The following TRAK1 variants were observed in gnomAD, a reference collection of about 807,000 sequenced individuals.
TRAK1 encodes the protein trafficking kinesin protein 1, also known as trafficking kinesin-binding protein 1.
In TRAK1, 33 loss-of-function variants were observed where a neutral mutation model predicts 92.1. That is an observed-to-expected ratio of 0.36 (90% CI 0.27 to 0.48). The LOEUF is 0.48. TRAK1 is among the 20% of genes least tolerant of loss of function. The probability of loss-of-function intolerance (pLI) is 0.99; values close to 1 mark genes in which losing one functional copy is unlikely to be tolerated. For missense variants in TRAK1, 1,123 were observed against 1,257.9 expected (o/e 0.89, Z 1.62); for synonymous variants, 521 against 517.3 (o/e 1.01, Z -0.10).
At chr3:42,098,070 TTCTG>T (rs1706203607) in intron 1 of TRAK1, among the ~76,000 whole-genome samples, 1 of 151,952 alleles carries the variant, frequency 6.6e-6, no homozygotes, top group African/African-American at 2.4e-5. Context: ...CTTACCCACT[TTCTG>T]TCTGTTTCCT....
At chr3:42,213,151 C>G (rs556371256) in intron 14 of TRAK1, among the ~76,000 whole-genome samples, 1 of 151,266 alleles carries the variant, frequency 6.6e-6, no homozygotes, top group South Asian at 2.1e-4. Flanking sequence ...TTCCACCTCC[C>G]GGTTCAAGTG....
At chr3:42,134,498 C>T (rs569172232) in intron 2 of TRAK1, among the ~76,000 whole-genome samples, 2 of 151,104 alleles carry the variant, frequency 1.3e-5, no homozygotes, top group South Asian at 2.1e-4. Context: ...GGCTGTCTCA[C>T]GCTCCTGGCC....
At chr3:42,088,052 G>A (rs1464828327), upstream of TRAK1, among the ~76,000 whole-genome samples, 4 of 152,220 alleles carry the variant, frequency 2.6e-5, no homozygotes, top group African/African-American at 9.6e-5. Flanking sequence ...GTAGGATGGT[G>A]TGCATAACAG....
chr3:42,155,376 C>A (rs556070185), intron 2 of TRAK1, among the ~76,000 whole-genome samples: 7 of 152,280 alleles, frequency 4.6e-5, no homozygotes, highest in African/African-American at 1.7e-4. Context: ...ATTTATGCTC[C>A]GTTTTTAGAG....
intron 1 of TRAK1, among the ~76,000 whole-genome samples, chr3:42,103,199 C>T (rs1308097259): frequency 3.9e-5 from 6 of 152,106 alleles, no homozygotes; most frequent in Admixed American, 3.9e-4. Context: ...ATGAAGTCTC[C>T]CTCTGTCCCC....
At chr3:42,142,758 G>T (rs1391844693) in intron 2 of TRAK1, among the ~76,000 whole-genome samples, 1 of 152,108 alleles carries the variant, frequency 6.6e-6, no homozygotes, top group African/African-American at 2.4e-5. Context: ...TCACTTGGTT[G>T]CCCTTTTCAT....
intron 14 of TRAK1, chr3:42,217,748 C>T: frequency 1.0e-6 from 1 of 985,304 alleles, no homozygotes; most frequent in Non-Finnish European, 1.2e-6. Flanking sequence ...CCCCTCATGC[C>T]TGTTATTTGG....
intron 1 of TRAK1, 125 bp downstream of exon 1, chr3:42,091,685 A>G (rs1302698101): frequency 1.8e-5 from 16 of 883,444 alleles, no homozygotes; most frequent in Non-Finnish European, 2.5e-5. Context: ...GTTCATGGTC[A>G]TGTGGTAGAG....
chr3:42,105,030 C>T (rs934011950), intron 1 of TRAK1, among the ~76,000 whole-genome samples: 10 of 150,960 alleles, frequency 6.6e-5, no homozygotes, highest in Non-Finnish European at 1.3e-4. Flanking sequence ...TGGCTCACCG[C>T]AACCTCTGCC....
At chr3:42,114,215 T>A (rs1708867769) in intron 1 of TRAK1, among the ~76,000 whole-genome samples, 1 of 152,238 alleles carries the variant, frequency 6.6e-6, no homozygotes, top group Non-Finnish European at 1.5e-5. Context: ...ATTTTGTTTA[T>A]CCATTCATCT....
chr3:42,099,287 G>A (rs896898785), intron 1 of TRAK1, among the ~76,000 whole-genome samples: 2 of 152,020 alleles, frequency 1.3e-5, no homozygotes, highest in African/African-American at 4.8e-5. Context: ...CATAGGCGGG[G>A]GTAACCCAGC....
At chr3:42,198,621 C>T (rs1707087968) in intron 10 of TRAK1, among the ~76,000 whole-genome samples, 1 of 152,014 alleles carries the variant, frequency 6.6e-6, no homozygotes, top group Non-Finnish European at 1.5e-5. Flanking sequence ...ACCAGAGTGC[C>T]CTTTGGAGGT....
chr3:42,076,472 C>T (rs566445942), intron 1 of TRAK1, among the ~76,000 whole-genome samples: 51 of 152,048 alleles, frequency 3.4e-4, no homozygotes, highest in African/African-American at 6.3e-4. Flanking sequence ...GTGATCCACC[C>T]GCCTCGGCTT....
chr3:42,016,314 T>C (rs533672552), intron 1 of TRAK1, among the ~76,000 whole-genome samples: 383 of 152,250 alleles, frequency 2.5e-3, no homozygotes, highest in African/African-American at 8.9e-3. Flanking sequence ...AAGTGATTCT[T>C]TGGCCTCAGC....
intron 1 of TRAK1, among the ~76,000 whole-genome samples, chr3:42,075,969 A>T (rs1408138276): frequency 6.6e-6 from 1 of 151,734 alleles, no homozygotes; most frequent in African/African-American, 2.4e-5. Flanking sequence ...CAGCCTCCCG[A>T]GTATCTGGGA....
At chr3:42,112,135 C>CTTTTTTTTTTTTTTTTTTTTTTTTTTT (rs1223261204) in intron 1 of TRAK1, among the ~76,000 whole-genome samples, 1 of 71,044 alleles carries the variant, frequency 1.4e-5, no homozygotes, top group Non-Finnish European at 2.5e-5. Context: ...TCAGCTCTTA[C>CTTTTTTTTTTTTTTTTTTTTTTTTTTT]TTTTTTTTTT....
chr3:42,044,074 C>G (rs1462579550), intron 1 of TRAK1, among the ~76,000 whole-genome samples: 2 of 152,230 alleles, frequency 1.3e-5, no homozygotes, highest in Non-Finnish European at 2.9e-5. Flanking sequence ...GATTTTGGAT[C>G]TTAAAACTGA....
chr3:42,122,212 A>G (rs1350273783), intron 1 of TRAK1, among the ~76,000 whole-genome samples: 1 of 152,226 alleles, frequency 6.6e-6, no homozygotes, highest in African/African-American at 2.4e-5. Flanking sequence ...TCACATGGGC[A>G]CAAGGACCCA....
At chr3:42,217,085 C>A (rs1474716796) in intron 14 of TRAK1, among the ~76,000 whole-genome samples, 29 of 149,006 alleles carry the variant, frequency 1.9e-4, no homozygotes, top group African/African-American at 7.2e-4. Context: ...TTTTATGTTT[C>A]TCTCTCTCTC....
Sources: allele counts gnomAD v4.1 joint callset (sites outside exome capture counted in the v4.1 genomes callset), GRCh38; gene constraint gnomAD v4.1.1; transcripts MANE v1.5; gene names NCBI Gene and HGNC (gene_info 2026-07-23, HGNC 2026-07-21).